Variants in CDH23 observed in about 807,000 individuals in gnomAD.
CDH23 encodes cadherin-23.
In CDH23, 189 loss-of-function variants were observed where a neutral mutation model predicts 317.1. The observed-to-expected ratio is 0.60, with a 90% CI of 0.53 to 0.67. CDH23 has a LOEUF of 0.67. CDH23 is among the 30% of genes least tolerant of loss of function. The pLI, the probability that CDH23 is intolerant of heterozygous loss-of-function variation, is 0.00. For missense variants in CDH23, 4,401 were observed against 4,592.4 expected (o/e 0.96, Z 1.20); for synonymous variants, 1,839 against 1,876.8 (o/e 0.98, Z 0.52).
chr10:71,611,363 C>G (rs58196203), intron 9 of CDH23, among the ~76,000 whole-genome samples: 1,706 of 152,138 alleles, frequency 0.011, 36 homozygotes, highest in African/African-American at 0.039. Flanking sequence ...TTCAGGGCAG[C>G]CTGTAAACAC....
In CDH23 at chr10:71,397,134, G is replaced by T. The variant is rs1425647021; in HGVS notation, c.-190G>T. 17 of 181,228 alleles carry T rather than the reference G, an allele frequency of 9.4e-5. No homozygotes were observed. Among genetic ancestry groups the T allele is most frequent in the Non-Finnish European group, 1.6e-4 (14 of 87,812 alleles). 11.2% of individuals were successfully genotyped at this position (181,228 alleles called of 1,614,324 possible). On this transcript the variant is annotated 5_prime_UTR_variant, in exon 1 of 70. Coordinates refer to ENST00000224721, the MANE Select transcript of CDH23 (RefSeq NM_022124.6). This position sits in a 1 kb window ranked among gnomAD's most constrained non-coding sequence, Gnocchi z 4.8. The stretch of plus-strand genomic sequence containing the variant: ...CGGCGCGCCTGAAGTTGCGAGCGGC[G>T]AGCGGCGAGCGGCGAGCGGCCCGCG...
intron 6 of CDH23, among the ~76,000 whole-genome samples, chr10:71,550,278 A>G (rs758055801): frequency 2.0e-5 from 3 of 152,180 alleles, no homozygotes; most frequent in Non-Finnish European, 4.4e-5. Context: ...GGGGTGACAC[A>G]TTAAGACCAG....
chr10:71,712,414 GT>G (rs1482291790), intron 27 of CDH23: 4 of 460,162 alleles, frequency 8.7e-6, no homozygotes, highest in African/African-American at 1.9e-5. Flanking sequence ...TGACAGTAAA[GT>G]GTCTGCTTCA....
At chr10:71,668,319 G>T (rs117959504) in intron 14 of CDH23, among the ~76,000 whole-genome samples, 1 of 152,320 alleles carries the variant, frequency 6.6e-6, no homozygotes, top group East Asian at 1.9e-4. Flanking sequence ...GGGCCCATCG[G>T]TCTTCAACAG....
chr10:71,586,521 C>G (rs1859074984), intron 9 of CDH23, among the ~76,000 whole-genome samples: 1 of 152,106 alleles, frequency 6.6e-6, no homozygotes, highest in Non-Finnish European at 1.5e-5. Flanking sequence ...TTGTGGATGC[C>G]TGTGAAACTC....
chr10:71,524,334 T>C (rs1854893519), intron 6 of CDH23, among the ~76,000 whole-genome samples: 1 of 152,126 alleles, frequency 6.6e-6, no homozygotes, highest in Non-Finnish European at 1.5e-5. Context: ...GTAGCCCATA[T>C]CCTTTAAGAG....
chr10:71,785,860 G>A (rs374258012), intron 44 of CDH23, 122 bp downstream of exon 44: 144 of 717,266 alleles, frequency 2.0e-4, no homozygotes, highest in East Asian at 1.4e-3. Context: ...GAGTGAGCAC[G>A]TGCTGGCTTC....
At chr10:71,813,170 C>T in intron 68 of CDH23, 74 bp from the exon 69 acceptor site, 9 of 1,401,392 alleles carry the variant, frequency 6.4e-6, no homozygotes, top group Non-Finnish European at 8.9e-6. Flanking sequence ...ACCCCTTACT[C>T]CCAGAGGGAG....
intron 44 of CDH23, 26 bp from the exon 45 acceptor site, chr10:71,788,914 A>T (rs1385154578): frequency 8.2e-7 from 1 of 1,217,580 alleles, no homozygotes; most frequent in Non-Finnish European, 1.2e-6. Flanking sequence ...CATGGCCTAC[A>T]ACGTGCCCCA....
At chr10:71,475,743 G>C (rs191154297) in intron 3 of CDH23, among the ~76,000 whole-genome samples, 2 of 152,362 alleles carry the variant, frequency 1.3e-5, no homozygotes, top group East Asian at 3.9e-4. Context: ...CCAGTGACAG[G>C]GTTGGGGATT....
At chr10:71,438,561 G>A (rs1849727438) in intron 1 of CDH23, among the ~76,000 whole-genome samples, 1 of 152,126 alleles carries the variant, frequency 6.6e-6, no homozygotes, top group Admixed American at 6.5e-5. Context: ...GAGAGGGATT[G>A]AGGCCTCTCC....
intron 40 of CDH23, 34 bp from the exon 41 acceptor site, chr10:71,779,233 G>T: frequency 6.2e-7 from 1 of 1,610,442 alleles, no homozygotes; most frequent in Non-Finnish European, 8.5e-7. Flanking sequence ...GCTGGCTGGG[G>T]TGAGGCCTTG....
intron 1 of CDH23, among the ~76,000 whole-genome samples, chr10:71,430,487 G>T (rs138246689): frequency 6.6e-6 from 1 of 152,266 alleles, no homozygotes; most frequent in Non-Finnish European, 1.5e-5. Flanking sequence ...GATATTTGTC[G>T]TGGCTTTCTT....
rs868448889 is a variant in CDH23 at position 71,745,279 on chromosome 10, T to A, written c.4845+3358T>A. ...TGGAGGAGGTGACACCTGGGCCGAG[T>A]CTTGTTGGTCAGTCTTGGTTAGCAC... On this transcript the variant is annotated intron_variant, in intron 38 of 69. Transcript: ENST00000224721. Among the ~76,000 whole-genome samples, 8 of 152,078 alleles carry A rather than the reference T, an allele frequency of 5.3e-5. 1 individual carries two copies. The highest frequency in any genetic ancestry group is 4.2e-4 in the South Asian group (2 of 4,818).
intron 7 of CDH23, among the ~76,000 whole-genome samples, chr10:71,568,013 C>T (rs1589217049): frequency 1.3e-5 from 2 of 152,344 alleles, no homozygotes; most frequent in South Asian, 4.1e-4. Context: ...AGATCCAAGG[C>T]TCTGGATCTG....
chr10:71,775,710 C>T (rs1176565449), intron 38 of CDH23, among the ~76,000 whole-genome samples: 4 of 152,134 alleles, frequency 2.6e-5, no homozygotes, highest in Admixed American at 6.5e-5. Context: ...GCTCCAAGGC[C>T]CAACTCTGTT....
intron 3 of CDH23, 69 bp from the exon 4 acceptor site, chr10:71,510,013 G>A: frequency 1.3e-6 from 2 of 1,592,400 alleles, no homozygotes; most frequent in Non-Finnish European, 8.6e-7. Context: ...TCAGCCACCT[G>A]GGCAAGGTAG....
intron 3 of CDH23, among the ~76,000 whole-genome samples, chr10:71,487,343 C>T (rs764919531): frequency 1.4e-4 from 21 of 152,182 alleles, no homozygotes; most frequent in Non-Finnish European, 2.5e-4. Context: ...CAGAAATCCT[C>T]ATATAACTTT....
At chr10:71,508,784 C>T (rs571283238) in intron 3 of CDH23, among the ~76,000 whole-genome samples, 34 of 152,318 alleles carry the variant, frequency 2.2e-4, no homozygotes, top group African/African-American at 8.2e-4. Context: ...CAGAGGAAGA[C>T]TATAGACATT....
Sources: gnomAD v4.1 joint callset for allele counts (sites outside exome capture counted in the v4.1 genomes callset) on GRCh38, gnomAD v4.1.1 for gene constraint, Gnocchi (gnomAD v3.1) non-coding constraint, MANE v1.5 for transcripts, NCBI Gene and HGNC (gene_info 2026-07-23, HGNC 2026-07-21) for gene names.